The following SLC38A12 variants were observed in gnomAD, a reference collection of about 807,000 sequenced individuals.
SLC38A12 encodes the protein putative sodium-coupled neutral amino acid transporter 12.
chr17:74,820,074 G>A, the SLC38A12 span, among the ~76,000 whole-genome samples: 492 of 152,296 alleles, frequency 3.2e-3, 3 homozygotes, highest in African/African-American at 0.011. Flanking sequence ...TGATTGTTTC[G>A]AGGTCACATA....
At chr17:74,819,753 ATCT>A in the SLC38A12 span, 13 of 1,614,144 alleles carry the variant, frequency 8.1e-6, no homozygotes, top group Admixed American at 1.7e-5. Flanking sequence ...CCCCCAGGCG[ATCT>A]TCACTCTCCT....
chr17:74,803,514 T>C, the SLC38A12 span, among the ~76,000 whole-genome samples: 2 of 152,200 alleles, frequency 1.3e-5, no homozygotes, highest in Non-Finnish European at 2.9e-5. Flanking sequence ...CCATCCCTGC[T>C]GGGGACCTTC....
the SLC38A12 span, among the ~76,000 whole-genome samples, chr17:74,807,014 C>G: frequency 6.6e-6 from 1 of 152,140 alleles, no homozygotes; most frequent in Non-Finnish European, 1.5e-5. Context: ...CTTAAAACCC[C>G]ACAGAAGCTC....
the SLC38A12 span, among the ~76,000 whole-genome samples, chr17:74,793,477 G>A: frequency 2.0e-5 from 3 of 152,326 alleles, no homozygotes; most frequent in East Asian, 5.8e-4. Context: ...GGCTCCCTTA[G>A]GGTCCCAGCT....
At chr17:74,782,431 C>T in the SLC38A12 span, among the ~76,000 whole-genome samples, 4 of 152,080 alleles carry the variant, frequency 2.6e-5, no homozygotes, top group African/African-American at 7.2e-5. Context: ...GTTCAAGGGC[C>T]GTATCTGTCT....
chr17:74,825,098 C>T, the SLC38A12 span, among the ~76,000 whole-genome samples: 1 of 152,222 alleles, frequency 6.6e-6, no homozygotes, highest in African/African-American at 2.4e-5. Context: ...CCTCCAACCA[C>T]TCAACTAGTG....
the SLC38A12 span, among the ~76,000 whole-genome samples, chr17:74,833,458 C>T: frequency 6.6e-6 from 1 of 152,214 alleles, no homozygotes; most frequent in Non-Finnish European, 1.5e-5. Flanking sequence ...TGTGTACAGC[C>T]GTCTCATTTC....
the SLC38A12 span, chr17:74,838,006 A>G: frequency 1.1e-5 from 11 of 985,634 alleles, no homozygotes; most frequent in Middle Eastern, 1.0e-3. Context: ...CCTCCCCTGT[A>G]TCTCAGCGTC....
At chr17:74,806,781 C>T in the SLC38A12 span, among the ~76,000 whole-genome samples, 58 of 152,242 alleles carry the variant, frequency 3.8e-4, no homozygotes, top group African/African-American at 1.3e-3. Context: ...TCCCTGATCT[C>T]CCCCTACCCC....
chr17:74,811,783 G>A, the SLC38A12 span, among the ~76,000 whole-genome samples: 1 of 152,014 alleles, frequency 6.6e-6, no homozygotes, highest in Non-Finnish European at 1.5e-5. Context: ...TGTAATCCTA[G>A]CACTTTGGGA....
chr17:74,818,892 CCAGTCTCTGCTCTGTCACATTTA>C, the SLC38A12 span, among the ~76,000 whole-genome samples: 1 of 152,254 alleles, frequency 6.6e-6, no homozygotes, highest in East Asian at 1.9e-4. Context: ...TCCCCACACT[CCAGTCTCTGCTCTGTCACATTTA>C]CCCCCATTTT....
chr17:74,799,060 C>T, the SLC38A12 span, among the ~76,000 whole-genome samples: 1 of 152,200 alleles, frequency 6.6e-6, no homozygotes, highest in Non-Finnish European at 1.5e-5. Context: ...CTGCCCAGCA[C>T]CTTTGTTGCA....
chr17:74,814,383 A>G, the SLC38A12 span, among the ~76,000 whole-genome samples: 2 of 151,372 alleles, frequency 1.3e-5, no homozygotes, highest in African/African-American at 4.9e-5. Context: ...GATCTTGGAG[A>G]TGCTGGTGAT....
chr17:74,825,818 G>A, the SLC38A12 span, among the ~76,000 whole-genome samples: 8 of 152,178 alleles, frequency 5.3e-5, no homozygotes, highest in African/African-American at 1.4e-4. Flanking sequence ...CACGTGGGAG[G>A]GTGAGTCTTA....
chr17:74,832,015 A>G, the SLC38A12 span, among the ~76,000 whole-genome samples: 4 of 152,114 alleles, frequency 2.6e-5, no homozygotes, highest in Non-Finnish European at 5.9e-5. Flanking sequence ...CGATCAATCT[A>G]GGAGATGGCT....
chr17:74,778,240 G>A, the SLC38A12 span, among the ~76,000 whole-genome samples: 5 of 152,258 alleles, frequency 3.3e-5, no homozygotes, highest in South Asian at 2.1e-4. Flanking sequence ...TCTATGTAAC[G>A]TATGATTGGT....
At chr17:74,796,830 C>T in the SLC38A12 span, among the ~76,000 whole-genome samples, 1 of 152,208 alleles carries the variant, frequency 6.6e-6, no homozygotes, top group African/African-American at 2.4e-5. Flanking sequence ...GCATGGCAGC[C>T]GGAGGGGTGA....
At chr17:74,781,063 C>A in the SLC38A12 span, among the ~76,000 whole-genome samples, 1 of 152,108 alleles carries the variant, frequency 6.6e-6, no homozygotes, top group Non-Finnish European at 1.5e-5. Flanking sequence ...AGGTTGTTAC[C>A]GGCACCTAGT....
chr17:74,834,864 C>T, the SLC38A12 span, among the ~76,000 whole-genome samples: 1 of 152,222 alleles, frequency 6.6e-6, no homozygotes, highest in African/African-American at 2.4e-5. Flanking sequence ...TGGTGGTCTC[C>T]GTGTGTGAGT....
Sources: gnomAD v4.1 joint callset for allele counts (sites outside exome capture counted in the v4.1 genomes callset) on GRCh38, gnomAD v4.1.1 for gene constraint, MANE v1.5 for transcripts, NCBI Gene and HGNC (gene_info 2026-07-23, HGNC 2026-07-21) for gene names.